Variants in LSP1 observed in about 807,000 individuals in gnomAD.
LSP1 encodes lymphocyte-specific protein 1.
In LSP1, 32 loss-of-function variants were observed where a neutral mutation model predicts 49.3. The observed-to-expected ratio is 0.65, with a 90% CI of 0.49 to 0.87. LSP1 has a LOEUF of 0.87. LSP1 is among the 40% of genes least tolerant of loss of function. The pLI is 0.00. For missense variants in LSP1, 428 were observed against 442.6 expected, an observed-to-expected ratio of 0.97 and a Z score of 0.30; for synonymous variants, 179 against 178.8, an observed-to-expected ratio of 1.00 and a Z score of -0.01.
chr11:1,855,999 G>A (rs1447943747), intron 1 of LSP1, among the ~76,000 whole-genome samples: 1 of 152,186 alleles, frequency 6.6e-6, no homozygotes, highest in Non-Finnish European at 1.5e-5. Context: ...AGCTCTGCAG[G>A]GGTGTACCCT....
intron 1 of LSP1, among the ~76,000 whole-genome samples, chr11:1,869,472 G>T (rs1406479674): frequency 1.3e-5 from 2 of 152,034 alleles, no homozygotes; most frequent in African/African-American, 2.4e-5. Flanking sequence ...CGGGTGCAGG[G>T]TGGTGGCAGG....
intron 1 of LSP1, chr11:1,868,994 G>A: frequency 1.0e-6 from 1 of 986,412 alleles, no homozygotes; most frequent in Non-Finnish European, 1.2e-6. Flanking sequence ...GAGGTCGGTG[G>A]ACTGGGGTTA....
chr11:1,871,067 G>A, intron 1 of LSP1: 6 of 985,608 alleles, frequency 6.1e-6, no homozygotes, highest in Non-Finnish European at 7.2e-6. Context: ...CTGCGGCGGA[G>A]GACGCTGATC....
At chr11:1,866,584 T>TC in intron 1 of LSP1, 2 of 1,545,154 alleles carry the variant, frequency 1.3e-6, no homozygotes, top group Non-Finnish European at 1.7e-6. Context: ...CATCCCAGCC[T>TC]CCCCCTACCC....
intron 10 of LSP1, chr11:1,890,445 C>A (rs763498026): frequency 1.1e-5 from 8 of 717,152 alleles, no homozygotes; most frequent in South Asian, 4.4e-5. Context: ...CATCTTCTTC[C>A]GGGCTGCCTT....
intron 1 of LSP1, chr11:1,866,383 G>T: frequency 8.5e-7 from 1 of 1,176,274 alleles, no homozygotes; most frequent in Non-Finnish European, 1.2e-6. Context: ...TGCCCATGGG[G>T]GTGAGCTAAG....
intron 10 of LSP1, chr11:1,890,051 GA>G: frequency 1.4e-6 from 1 of 706,762 alleles, no homozygotes; most frequent in South Asian, 1.5e-5. Flanking sequence ...GCACCTGGGT[GA>G]CGTGGGTGCC....
Position 1,891,852 on chromosome 11 carries a change from C to G in LSP1, c.*93C>G. Reference sequence around the variant, plus strand: ...TTCCAGCCAGACACCCGCCCCCCGGCCCTGGCTAAGAAGTTGCTTCCTGTT... The same window carrying G: ...TTCCAGCCAGACACCCGCCCCCCGGGCCTGGCTAAGAAGTTGCTTCCTGTT... On this transcript the variant is annotated 3_prime_UTR_variant, in exon 11 of 11. Transcript: ENST00000311604. 1 of 152,488 alleles carries G rather than the reference C, an allele frequency of 6.6e-6. No individual in the cohort carries two copies. The highest frequency in any genetic ancestry group is 1.9e-4 in the East Asian group (1 of 5,322). The allele number at this position is 152,488 out of a possible 1,614,324, so 9.4% of individuals were successfully genotyped here.
At chr11:1,876,688 G>A in intron 1 of LSP1, 1 of 951,860 alleles carries the variant, frequency 1.1e-6, no homozygotes, top group Non-Finnish European at 1.3e-6. Flanking sequence ...GCATTGTCAG[G>A]CCCTCAGCGG....
rs1848698117 is a variant in LSP1 at position 1,884,998 on chromosome 11, C to A, written c.717+417C>A. Among the ~76,000 whole-genome samples the A allele has an allele frequency of 6.6e-6, 1 of 151,968 alleles. No homozygotes were observed. Among genetic ancestry groups the A allele is most frequent in the South Asian group, 2.1e-4 (1 of 4,814 alleles). On this transcript the variant is annotated intron_variant, in intron 7 of 10. Transcript: ENST00000311604. The surrounding 1 kb of genome is among the most constrained non-coding windows in gnomAD (Gnocchi z 4.1). ...ATCCTATCAATGCTCCTCTATCCAGCCAATATTCCTCCAGTCAATCAATCC... is the reference window on the plus strand; with the variant it reads ...ATCCTATCAATGCTCCTCTATCCAGACAATATTCCTCCAGTCAATCAATCC...
At position 1,886,948 on chromosome 11, in the gene LSP1, A is replaced by T. The variant is rs986557145; in HGVS notation, c.852+82A>T. The stretch of plus-strand genomic sequence containing the variant: ...TAGCAGGCCGGGTTTCCTTGTTAAG[A>T]CAAGCATGGGACTGTCCAGGATGAA... On this transcript the variant is annotated intron_variant, in intron 8 of 10. Coordinates refer to ENST00000311604, the MANE Select transcript of LSP1 (RefSeq NM_002339.3). 10 of 1,524,184 alleles carry T rather than the reference A, an allele frequency of 6.6e-6. No individual in the cohort carries two copies. The African/African-American group carries it at 1.4e-4, about 21-fold the overall frequency. The allele number at this position is 1,524,184 out of a possible 1,614,324, so 94.4% of individuals were successfully genotyped here.
At chr11:1,869,275 G>C (rs1241391983) in intron 1 of LSP1, 1 of 247,102 alleles carries the variant, frequency 4.0e-6, no homozygotes, top group Non-Finnish European at 8.2e-6. Context: ...GCTGGGAGGG[G>C]GGCAACCCTG....
chr11:1,855,262 G>A (rs1847459246), intron 1 of LSP1, among the ~76,000 whole-genome samples: 1 of 152,212 alleles, frequency 6.6e-6, no homozygotes, highest in African/African-American at 2.4e-5. Context: ...CCTGCACCCA[G>A]GCAGGGATGT....
intron 10 of LSP1, chr11:1,888,998 C>A: frequency 1.8e-6 from 1 of 552,988 alleles, no homozygotes; most frequent in East Asian, 3.2e-5. Context: ...CTCAGCACCC[C>A]ATGTGCCCTT....
At chr11:1,857,835 A>T (rs1276323511) in intron 1 of LSP1, among the ~76,000 whole-genome samples, 1 of 151,934 alleles carries the variant, frequency 6.6e-6, no homozygotes, top group Non-Finnish European at 1.5e-5. Flanking sequence ...GCTCACTGGA[A>T]CCTCCGCCCT....
chr11:1,878,494 T>C (rs907040453), intron 1 of LSP1, among the ~76,000 whole-genome samples: 1 of 150,028 alleles, frequency 6.7e-6, no homozygotes, highest in Admixed American at 6.6e-5. Flanking sequence ...GGGGGCGGGG[T>C]GCACAGGCGG....
chr11:1,859,753 C>T (rs1471004534), intron 1 of LSP1, among the ~76,000 whole-genome samples: 6 of 151,518 alleles, frequency 4.0e-5, no homozygotes, highest in South Asian at 4.2e-4. Context: ...GCCCCCTACC[C>T]GTGGCTCTGG....
At chr11:1,890,873 C>T in intron 10 of LSP1, 3 of 455,404 alleles carry the variant, frequency 6.6e-6, no homozygotes, top group Non-Finnish European at 7.9e-6. Context: ...GTCCTCCATG[C>T]CACCCCAGCA....
rs1053074694 is a variant in LSP1, at chr11:1,871,354, T to C, written c.54-8733T>C. 3.0e-6 allele frequency: 3 copies of C among 986,122 alleles called. No individual in the cohort carries two copies. The African/African-American group carries it at 5.2e-5, about 17-fold the overall frequency. 61.1% of individuals were successfully genotyped at this position (986,122 alleles called of 1,614,324 possible). ...GATGGGGGCAGAGATGTGAAACAGC[T>C]GCAGAGCGGGACAAGGGTGCTGCCG... On this transcript the variant is annotated intron_variant, in intron 1 of 10. Coordinates refer to ENST00000311604, the MANE Select transcript of LSP1 (RefSeq NM_002339.3).
Sources: allele counts gnomAD v4.1 joint callset (sites outside exome capture counted in the v4.1 genomes callset), GRCh38; gene constraint gnomAD v4.1.1; non-coding constraint Gnocchi (gnomAD v3.1); transcripts MANE v1.5; gene names NCBI Gene and HGNC (gene_info 2026-07-23, HGNC 2026-07-21).